ZC3H6: variants seen among roughly 807,000 people sequenced by gnomAD.
The protein encoded by ZC3H6 is zinc finger CCCH-type containing 6.
A neutral mutation model predicts 107.7 loss-of-function variants in ZC3H6; 40 were observed. The observed-to-expected ratio is 0.37, with a 90% CI of 0.29 to 0.48. The LOEUF (loss-of-function observed/expected upper bound fraction) is 0.48, where lower values mean the gene tolerates loss of function less well. Among genes scored for constraint, ZC3H6 ranks in the 20% least tolerant of loss-of-function variants. ZC3H6 has a pLI of 0.98. For synonymous variants in ZC3H6, 493 were observed against 487.9 expected (o/e 1.01, Z -0.14); for missense variants, 1,267 against 1,410.4 (o/e 0.90, Z 1.63).
intron 8 of ZC3H6, among the ~76,000 whole-genome samples, chr2:112,322,422 TTTTTG>T (rs2104720844): frequency 6.6e-6 from 1 of 152,044 alleles, no homozygotes; most frequent in Non-Finnish European, 1.5e-5. Context: ...ATTTTTGCAT[TTTTTG>T]TAGAGACAGG....
chr2:112,292,610 G>C (rs1041339876), intron 1 of ZC3H6, among the ~76,000 whole-genome samples: 1 of 152,096 alleles, frequency 6.6e-6, no homozygotes, highest in Admixed American at 6.5e-5. Context: ...TTTTCTTTCA[G>C]TTTGACTATA....
intron 1 of ZC3H6, among the ~76,000 whole-genome samples, chr2:112,289,892 C>T (rs1390502537): frequency 2.0e-5 from 3 of 152,112 alleles, no homozygotes; most frequent in African/African-American, 7.2e-5. Context: ...AGCCACGCAC[C>T]TAACACCTGG....
chr2:112,310,160 A>G lies in ZC3H6; in HGVS notation c.612A>G (p.Gln204=), dbSNP rs768599857. 6.2e-7 allele frequency: 1 copy of G among 1,610,916 alleles called. No homozygotes were observed. Among genetic ancestry groups the G allele is most frequent in the East Asian group, 2.2e-5 (1 of 44,820 alleles). ...AACAGAGAATGAAAGGAGTTCAGCAAGGTAAGTTTGAAATTACAGTCTGTC... is the reference window on the plus strand; with the variant it reads ...AACAGAGAATGAAAGGAGTTCAGCAGGGTAAGTTTGAAATTACAGTCTGTC... ...GKKQRMKGVQ[Q]GIEQRVKSFN... is the part of the protein sequence containing the mutation. The change falls in exon 4 of 12, where the codon CAA becomes CAG. Residue 204 remains glutamine (Q), a splice_region_variant and synonymous_variant. Transcript: ENST00000409871.
At chr2:112,324,741 G>GTAA in intron 10 of ZC3H6, 78 bp downstream of exon 10, 1 of 1,373,512 alleles carries the variant, frequency 7.3e-7, no homozygotes, top group Non-Finnish European at 9.8e-7. Flanking sequence ...TGACAGAAAC[G>GTAA]TAAGTTTTAA....
chr2:112,286,973 A>G (rs567174515), intron 1 of ZC3H6, among the ~76,000 whole-genome samples: 2 of 152,322 alleles, frequency 1.3e-5, no homozygotes, highest in South Asian at 4.1e-4. Context: ...AGTAGCAGAT[A>G]CTGGATTGGG....
At chr2:112,314,161 C>T (rs1450992135) in intron 5 of ZC3H6, among the ~76,000 whole-genome samples, 1 of 150,132 alleles carries the variant, frequency 6.7e-6, no homozygotes, top group African/African-American at 2.5e-5. Context: ...TTTTTTTCTC[C>T]CTCCATCTCT....
intron 1 of ZC3H6, among the ~76,000 whole-genome samples, chr2:112,288,223 C>T (rs1376611519): frequency 6.6e-6 from 1 of 151,052 alleles, no homozygotes; most frequent in African/African-American, 2.4e-5. Flanking sequence ...TTTTTTTAAA[C>T]CTATTCCAGA....
intron 1 of ZC3H6, among the ~76,000 whole-genome samples, chr2:112,293,881 C>T (rs1448814985): frequency 6.6e-6 from 1 of 152,182 alleles, no homozygotes; most frequent in East Asian, 1.9e-4. Context: ...CGCAGGGTAA[C>T]ACTGAAACTA....
In ZC3H6 at chr2:112,319,207, A is replaced by C. The variant is rs569798776; in HGVS notation, c.976+1875A>C. The stretch of plus-strand genomic sequence containing the variant: ...TGGTAATGAAGTCGTGATTGGTAAG[A>C]AAAAGTATTCCTGGCCAGGCATGGT... On this transcript the variant is annotated intron_variant, in intron 7 of 11. Transcript: ENST00000409871. Among the ~76,000 whole-genome samples the C allele has an allele frequency of 7.2e-4, 110 of 152,310 alleles. 1 individual carries two copies. The highest frequency in any genetic ancestry group is 2.4e-3 in the African/African-American group (100 of 41,570).
chr2:112,316,016 T>C (rs1441796704), intron 5 of ZC3H6, among the ~76,000 whole-genome samples: 1 of 152,222 alleles, frequency 6.6e-6, no homozygotes, highest in African/African-American at 2.4e-5. Flanking sequence ...TTTTGCTGTT[T>C]GTTTTACTAT....
At chr2:112,301,070 G>A (rs891827833) in intron 2 of ZC3H6, among the ~76,000 whole-genome samples, 7 of 152,206 alleles carry the variant, frequency 4.6e-5, no homozygotes, top group Non-Finnish European at 1.0e-4. Context: ...CAGTACAAAT[G>A]AAGCAGAGGG....
intron 9 of ZC3H6, among the ~76,000 whole-genome samples, chr2:112,323,557 A>G (rs1343850436): frequency 6.6e-6 from 1 of 152,238 alleles, no homozygotes. Flanking sequence ...ATCCTGGTCA[A>G]TGAAATAAGA....
rs1473609797 is a variant in ZC3H6 at position 112,275,643 on chromosome 2, G to A, written c.-352G>A. The stretch of plus-strand genomic sequence containing the variant: ...TTTCGGGTGCCGCCATGTTGGTGAG[G>A]AGAAATCACCGTTACGGCCACTGTC... On this transcript the variant is annotated 5_prime_UTR_variant, in exon 1 of 12. Transcript: ENST00000409871. 1 of 402,448 alleles carries A rather than the reference G, an allele frequency of 2.5e-6. No homozygotes were observed. The allele number at this position is 402,448 out of a possible 1,614,324, so 24.9% of individuals were successfully genotyped here.
chr2:112,276,172 C>T (rs1360714970), intron 1 of ZC3H6, 146 bp downstream of exon 1: 2 of 564,274 alleles, frequency 3.5e-6, no homozygotes, highest in African/African-American at 2.0e-5. Context: ...CTTATGTAAA[C>T]TGCTGGATCG....
chr2:112,316,518 A>G lies in ZC3H6; in HGVS notation c.796A>G (p.Asn266Asp), dbSNP rs1303452299. 3 of 1,610,716 alleles carry G rather than the reference A, an allele frequency of 1.9e-6. No homozygotes were observed. Reference sequence around the variant, plus strand: ...GAAGGTTATGACTCAGGAATTTATTAATCAGCACACAGTGGAACACAAAGG... The same window carrying G: ...GAAGGTTATGACTCAGGAATTTATTGATCAGCACACAGTGGAACACAAAGG... ...KWKVMTQEFI[N>D]QHTVEHKGKQ... Residue 266 changes from asparagine to aspartate, a missense_variant, in exon 6 of 12, where the codon AAT becomes GAT. Coordinates refer to ENST00000409871, the MANE Select transcript of ZC3H6 (RefSeq NM_198581.3).
At chr2:112,315,835 A>G (rs11123136) in intron 5 of ZC3H6, among the ~76,000 whole-genome samples, 77,515 of 151,948 alleles carry the variant, frequency 0.51, 21,967 homozygotes, top group East Asian at 0.77. Flanking sequence ...CTGGCCTCAA[A>G]TGATCCCAAA....
intron 5 of ZC3H6, chr2:112,312,322 T>C (rs1676609366): frequency 6.3e-6 from 1 of 158,806 alleles, no homozygotes; most frequent in Admixed American, 6.4e-5. Flanking sequence ...CAGTGGTAAA[T>C]TAACTTCCTT....
Position 112,331,674 on chromosome 2 carries a change from G to T in ZC3H6, c.2756G>T (p.Ser919Ile). 1 of 1,613,868 alleles carries T rather than the reference G, an allele frequency of 6.2e-7. No homozygotes were observed. The highest frequency in any genetic ancestry group is 8.5e-7 in the Non-Finnish European group (1 of 1,179,872). The change falls in exon 12 of 12, where the codon AGT (serine) becomes ATT (isoleucine). Residue 919 changes from serine to isoleucine, a missense_variant. Coordinates refer to ENST00000409871, the MANE Select transcript of ZC3H6 (RefSeq NM_198581.3). The part of the protein sequence containing the change: ...QRLNRLWNTK[S>I]DLHQNTVSID... ...CTAAATAGATTATGGAATACAAAAA[G>T]TGATCTTCATCAAAATACAGTGTCC...
chr2:112,299,301 A>G (rs1320105636), intron 1 of ZC3H6, among the ~76,000 whole-genome samples: 1 of 151,554 alleles, frequency 6.6e-6, no homozygotes, highest in Non-Finnish European at 1.5e-5. Flanking sequence ...AAATTTAAGA[A>G]CTGTATGCAT....
Sources: allele counts gnomAD v4.1 joint callset (sites outside exome capture counted in the v4.1 genomes callset), GRCh38; gene constraint gnomAD v4.1.1; transcripts MANE v1.5; gene names NCBI Gene and HGNC (gene_info 2026-07-23, HGNC 2026-07-21).